Variants in CRACD observed in about 807,000 individuals in gnomAD.
CRACD encodes capping protein-inhibiting regulator of actin dynamics.
A neutral mutation model predicts 106.8 loss-of-function variants in CRACD; 56 were observed. The observed-to-expected ratio is 0.52, with a 90% CI of 0.42 to 0.66. CRACD has a LOEUF of 0.66. Among genes scored for constraint, CRACD ranks in the 30% least tolerant of loss-of-function variants. The probability of loss-of-function intolerance (pLI) is 0.00; values close to 1 mark genes in which losing one functional copy is unlikely to be tolerated. For missense variants in CRACD, 1,730 were observed against 1,623.2 expected (o/e 1.07, Z -1.13); for synonymous variants, 754 against 670.8 (o/e 1.12, Z -1.92).
At chr4:56,089,167 A>G (rs181610396) in intron 1 of CRACD, among the ~76,000 whole-genome samples, 2 of 152,208 alleles carry the variant, frequency 1.3e-5, no homozygotes, top group African/African-American at 4.8e-5. Flanking sequence ...TGGGACCACA[A>G]ATTTGTGCCC....
intron 3 of CRACD, among the ~76,000 whole-genome samples, chr4:56,280,107 C>T (rs965867369): frequency 2.3e-5 from 3 of 132,078 alleles, no homozygotes; most frequent in African/African-American, 8.9e-5. Flanking sequence ...AACACATGGA[C>T]ACAGGAAGGG....
chr4:56,227,501 C>T (rs1237095966), intron 2 of CRACD, among the ~76,000 whole-genome samples: 1 of 128,494 alleles, frequency 7.8e-6, no homozygotes. Context: ...CTGGGTCTCC[C>T]TTGCCAAAAA....
At chr4:56,234,267 GC>G (rs1739824896) in intron 2 of CRACD, among the ~76,000 whole-genome samples, 1 of 151,900 alleles carries the variant, frequency 6.6e-6, no homozygotes, top group Admixed American at 6.6e-5. Context: ...CCCTCCAATA[GC>G]CCCTGGCAAT....
At chr4:56,119,658 T>C (rs927059464) in intron 1 of CRACD, among the ~76,000 whole-genome samples, 3 of 152,072 alleles carry the variant, frequency 2.0e-5, no homozygotes, top group Admixed American at 2.0e-4. Context: ...TTTCCACTTA[T>C]ATATCTCATC....
intron 2 of CRACD, among the ~76,000 whole-genome samples, chr4:56,239,612 T>C (rs1391216033): frequency 6.6e-6 from 1 of 152,154 alleles, no homozygotes; most frequent in East Asian, 1.9e-4. Flanking sequence ...TTGCATTTAA[T>C]AAGCAGGACT....
intron 2 of CRACD, among the ~76,000 whole-genome samples, chr4:56,205,246 A>G (rs933162360): frequency 2.6e-5 from 4 of 152,142 alleles, no homozygotes; most frequent in African/African-American, 9.7e-5. Flanking sequence ...ACACCCAGAA[A>G]GAGTTATGAG....
intron 1 of CRACD, among the ~76,000 whole-genome samples, chr4:56,112,856 T>C (rs1284398184): frequency 6.6e-6 from 1 of 152,138 alleles, no homozygotes; most frequent in Non-Finnish European, 1.5e-5. Context: ...GAGGGCCCCA[T>C]GGGCCGCTAA....
intron 1 of CRACD, among the ~76,000 whole-genome samples, chr4:56,143,551 T>C (rs1275667367): frequency 6.6e-6 from 1 of 152,134 alleles, no homozygotes; most frequent in African/African-American, 2.4e-5. Flanking sequence ...TTGATGATTA[T>C]GATGAATTTT....
chr4:56,277,201 G>A (rs941900996), intron 3 of CRACD, among the ~76,000 whole-genome samples: 7 of 152,198 alleles, frequency 4.6e-5, no homozygotes, highest in African/African-American at 1.7e-4. Context: ...AAACTCCACA[G>A]ACCAATATCC....
At chr4:56,151,128 C>G (rs1430622059) in intron 1 of CRACD, among the ~76,000 whole-genome samples, 1 of 152,168 alleles carries the variant, frequency 6.6e-6, no homozygotes, top group Non-Finnish European at 1.5e-5. Context: ...TCCCGAGTAG[C>G]TGGGACAAAA....
intron 1 of CRACD, among the ~76,000 whole-genome samples, chr4:56,059,661 C>T (rs1032517793): frequency 5.3e-5 from 8 of 152,152 alleles, no homozygotes; most frequent in South Asian, 2.1e-4. Flanking sequence ...TGGTAGGTCT[C>T]GGCCCAAACT....
chr4:56,324,339 A>C, intron 10 of CRACD, 73 bp downstream of exon 10: 1 of 1,427,100 alleles, frequency 7.0e-7, no homozygotes, highest in African/African-American at 1.4e-5. Flanking sequence ...TATATCCTAC[A>C]GTGTAATGAC....
chr4:56,163,223 A>T (rs1243699813), intron 1 of CRACD, among the ~76,000 whole-genome samples: 1 of 152,160 alleles, frequency 6.6e-6, no homozygotes, highest in African/African-American at 2.4e-5. Flanking sequence ...ATAGAGTAAG[A>T]CATTTAACCT....
chr4:56,256,163 C>T lies in CRACD; in HGVS notation c.-188-16158C>T, dbSNP rs767619772. On this transcript the variant is annotated intron_variant, in intron 2 of 10. Transcript: ENST00000682029. The stretch of plus-strand genomic sequence containing the variant: ...TCTTGAATTGTAGCACCCATAATTC[C>T]GACATGTTGTGGGAGGGACCCATTG... 7.9e-5 allele frequency among the ~76,000 whole-genome samples: 12 copies of T among 152,252 alleles called. No individual in the cohort carries two copies. In the East Asian group the frequency reaches 1.4e-3, roughly 17 times the overall value.
intron 1 of CRACD, among the ~76,000 whole-genome samples, chr4:56,160,135 T>G: frequency 6.6e-6 from 1 of 151,782 alleles, no homozygotes; most frequent in East Asian, 1.9e-4. Flanking sequence ...ATTTGTCTAA[T>G]GTAAGCAATT....
At chr4:56,246,500 AT>A (rs1740690594) in intron 2 of CRACD, 1 of 152,236 alleles carries the variant, frequency 6.6e-6, no homozygotes, top group Non-Finnish European at 1.5e-5. Context: ...CCTTACTGGA[AT>A]TAGAACTATG....
At chr4:56,136,809 A>G (rs1183017686) in intron 1 of CRACD, among the ~76,000 whole-genome samples, 1 of 152,154 alleles carries the variant, frequency 6.6e-6, no homozygotes, top group Non-Finnish European at 1.5e-5. Context: ...TTTAAGTCCT[A>G]TTAAGATATA....
rs1746666548 is a variant in CRACD at position 56,329,435 on chromosome 4, T to C, written c.*1631T>C. Among the ~76,000 whole-genome samples, 1 of 152,222 alleles carries C rather than the reference T, an allele frequency of 6.6e-6. No individual in the cohort carries two copies. Among genetic ancestry groups the C allele is most frequent in the Non-Finnish European group, 1.5e-5 (1 of 68,038 alleles). On this transcript the variant is annotated 3_prime_UTR_variant, in exon 11 of 11. Coordinates refer to ENST00000682029, the MANE Select transcript of CRACD (RefSeq NM_001393381.1). The stretch of plus-strand genomic sequence containing the variant: ...CCTTAAATAAAGGATGATGGCAAAG[T>C]TATTTACCATGTAGAAACCATTTTC...
chr4:56,315,267 C>G lies in CRACD; in HGVS notation c.1765C>G (p.Leu589Val), dbSNP rs1022998609. The G allele has an allele frequency of 6.2e-7, 1 of 1,610,922 alleles. No individual in the cohort carries two copies. Among genetic ancestry groups the G allele is most frequent in the Non-Finnish European group, 8.5e-7 (1 of 1,178,964 alleles). The change falls in exon 8 of 11, where the codon CTG (leucine) becomes GTG (valine). Residue 589 changes from leucine (L) to valine (V), a missense_variant. By Grantham distance (32) the Leu-to-Val change is conservative (BLOSUM62 1). Coordinates refer to ENST00000682029, the MANE Select transcript of CRACD (RefSeq NM_001393381.1). The surrounding 1 kb of genome is among the most constrained non-coding windows in gnomAD (Gnocchi z 4.1). ...SPVQHALPSS[L>V]SVPHTAILVT... ...AGTCCAGCACGCCCTACCGTCGTCC[C>G]TGAGCGTTCCCCACACCGCCATTCT... is the stretch of plus-strand genomic sequence containing the variant.
Sources: gnomAD v4.1 joint callset for allele counts (sites outside exome capture counted in the v4.1 genomes callset) on GRCh38, gnomAD v4.1.1 for gene constraint, Gnocchi (gnomAD v3.1) non-coding constraint, MANE v1.5 for transcripts, NCBI Gene and HGNC (gene_info 2026-07-23, HGNC 2026-07-21) for gene names.